Variants in ATP10B observed in about 807,000 individuals in gnomAD.
The protein encoded by ATP10B is phospholipid-transporting ATPase VB.
A neutral mutation model predicts 141.2 loss-of-function variants in ATP10B; 122 were observed. That is an observed-to-expected ratio of 0.86 (90% CI 0.75 to 1.00). The LOEUF is 1.00. Ranked by LOEUF, ATP10B falls within the 50% of genes least tolerant of loss-of-function variation. The probability of loss-of-function intolerance (pLI) is 0.00; values close to 1 mark genes in which losing one functional copy is unlikely to be tolerated. For synonymous variants in ATP10B, 685 were observed against 692.0 expected (o/e 0.99, Z 0.16); for missense variants, 1,876 against 1,825.3 (o/e 1.03, Z -0.51).
At position 160,585,486 on chromosome 5, in the gene ATP10B, C is replaced by T. The variant is rs546065807; in HGVS notation, c.3750+4106G>A. ...GGGCATGGTGGCACGCGCCATAGTCCCAGCTACTGAGGAGGCTGAGGCAGA... is the reference window on the plus strand; with the variant it reads ...GGGCATGGTGGCACGCGCCATAGTCTCAGCTACTGAGGAGGCTGAGGCAGA... On this transcript the variant is annotated intron_variant, in intron 24 of 25. Transcript: ENST00000327245. 3.3e-5 allele frequency among the ~76,000 whole-genome samples: 5 copies of T among 152,248 alleles called. No homozygotes were observed. The East Asian group carries it at 9.7e-4, about 29-fold the overall frequency.
chr5:160,793,330 A>G (rs1461417879), intron 1 of ATP10B, among the ~76,000 whole-genome samples: 1 of 152,136 alleles, frequency 6.6e-6, no homozygotes, highest in East Asian at 1.9e-4. Flanking sequence ...AATATGTTCC[A>G]AAGCCTTTTA....
At chr5:160,909,504 C>A in the ATP10B span, among the ~76,000 whole-genome samples, 1 of 152,088 alleles carries the variant, frequency 6.6e-6, no homozygotes, top group African/African-American at 2.4e-5. Context: ...TTTGCAGAAC[C>A]ATTTCTTAAG....
In ATP10B at chr5:160,777,084, G is replaced by A. The variant is rs543777793; in HGVS notation, c.-331+8475C>T. Among the ~76,000 whole-genome samples, 3 of 152,310 alleles carry A rather than the reference G, an allele frequency of 2.0e-5. No individual in the cohort carries two copies. The East Asian group carries it at 5.8e-4, about 29-fold the overall frequency. Reference sequence around the variant, plus strand: ...TAAAGTTGGGGGAAAGTTTGAGAGGGATAGGATCTTTGAGGTCATCTAATC... The same window carrying A: ...TAAAGTTGGGGGAAAGTTTGAGAGGAATAGGATCTTTGAGGTCATCTAATC... On this transcript the variant is annotated intron_variant, in intron 2 of 25. Coordinates refer to ENST00000327245, the MANE Select transcript of ATP10B (RefSeq NM_025153.3).
chr5:160,882,680 T>C, the ATP10B span, among the ~76,000 whole-genome samples: 1 of 152,246 alleles, frequency 6.6e-6, no homozygotes, highest in Admixed American at 6.5e-5. Flanking sequence ...AAAGGAAATG[T>C]CATAAAATTT....
intron 12 of ATP10B, 51 bp downstream of exon 12, chr5:160,634,303 C>T (rs771948162): frequency 6.2e-7 from 1 of 1,613,176 alleles, no homozygotes; most frequent in South Asian, 1.1e-5. Context: ...CTTAGGAGAG[C>T]AGGGTATTTC....
At chr5:160,867,794 T>TA in the ATP10B span, among the ~76,000 whole-genome samples, 1 of 152,112 alleles carries the variant, frequency 6.6e-6, no homozygotes, top group Non-Finnish European at 1.5e-5. Flanking sequence ...TGGGAAGAAA[T>TA]CATTGATTGG....
chr5:160,585,698 C>T (rs1229800319), intron 24 of ATP10B, among the ~76,000 whole-genome samples: 1 of 152,088 alleles, frequency 6.6e-6, no homozygotes, highest in African/African-American at 2.4e-5. Flanking sequence ...AATTTTAGAC[C>T]CAGCAGTAGA....
At chr5:160,598,240 A>C (rs2127620907) in intron 22 of ATP10B, among the ~76,000 whole-genome samples, 1 of 152,124 alleles carries the variant, frequency 6.6e-6, no homozygotes, top group Non-Finnish European at 1.5e-5. Context: ...TTTTGTAGGG[A>C]CATGGATGAA....
chr5:160,619,685 G>A (rs1267243929), intron 15 of ATP10B, among the ~76,000 whole-genome samples: 4 of 152,118 alleles, frequency 2.6e-5, no homozygotes, highest in Admixed American at 6.5e-5. Flanking sequence ...ATCAGGAAGC[G>A]GCTGCACACT....
At chr5:160,682,996 G>A (rs558465355) in intron 6 of ATP10B, among the ~76,000 whole-genome samples, 3 of 131,506 alleles carry the variant, frequency 2.3e-5, no homozygotes, top group East Asian at 4.4e-4. Context: ...CTGTGATGGC[G>A]CCACTGCACT....
intron 2 of ATP10B, among the ~76,000 whole-genome samples, chr5:160,747,893 G>A (rs909798805): frequency 6.7e-6 from 1 of 149,640 alleles, no homozygotes; most frequent in Non-Finnish European, 1.5e-5. Context: ...GCACATTTCT[G>A]TCATCCTTCT....
At chr5:160,881,312 A>G in the ATP10B span, among the ~76,000 whole-genome samples, 3 of 152,358 alleles carry the variant, frequency 2.0e-5, no homozygotes, top group East Asian at 5.8e-4. Flanking sequence ...AAGAATGGGG[A>G]ATAAGAGAAA....
intron 3 of ATP10B, among the ~76,000 whole-genome samples, chr5:160,695,329 C>T (rs1764295653): frequency 6.6e-6 from 1 of 150,518 alleles, no homozygotes. Context: ...ACAATGGCCT[C>T]CTGTAATTTT....
At chr5:160,842,651 G>C (rs1402593444) in intron 1 of ATP10B, among the ~76,000 whole-genome samples, 1 of 151,856 alleles carries the variant, frequency 6.6e-6, no homozygotes, top group Non-Finnish European at 1.5e-5. Context: ...TGGAAGATAT[G>C]AGCACATTTG....
At chr5:160,877,188 G>A in the ATP10B span, among the ~76,000 whole-genome samples, 4 of 152,016 alleles carry the variant, frequency 2.6e-5, no homozygotes, top group Non-Finnish European at 4.4e-5. Context: ...TATCCACCAT[G>A]ATCAAGTGGG....
the ATP10B span, among the ~76,000 whole-genome samples, chr5:160,924,770 T>A: frequency 6.6e-6 from 1 of 152,238 alleles, no homozygotes; most frequent in Non-Finnish European, 1.5e-5. Flanking sequence ...AGAGATTTTA[T>A]ATCAACAGAT....
chr5:160,667,999 G>A (rs1315228424), intron 7 of ATP10B, among the ~76,000 whole-genome samples: 4 of 152,160 alleles, frequency 2.6e-5, no homozygotes, highest in Non-Finnish European at 5.9e-5. Context: ...GGAGGCCAAG[G>A]CAGGTGGATC....
chr5:160,598,723 C>T (rs1206337282), intron 22 of ATP10B, 47 bp downstream of exon 22: 1 of 1,574,452 alleles, frequency 6.4e-7, no homozygotes, highest in Admixed American at 1.7e-5. Flanking sequence ...AGGTAGAGGT[C>T]AGTAAGAAGC....
chr5:160,653,076 A>AGTGTATATATTATATATACAC (rs1402845780), intron 7 of ATP10B, among the ~76,000 whole-genome samples: 79 of 119,100 alleles, frequency 6.6e-4, no homozygotes, highest in Non-Finnish European at 1.0e-3. Flanking sequence ...ATGTATATAT[A>AGTGTATATATTATATATACAC]GTGTATATAT....
Sources: allele counts gnomAD v4.1 joint callset (sites outside exome capture counted in the v4.1 genomes callset), GRCh38; gene constraint gnomAD v4.1.1; transcripts MANE v1.5; gene names NCBI Gene and HGNC (gene_info 2026-07-23, HGNC 2026-07-21).